The following CELF4 variants were observed in gnomAD, a reference collection of about 807,000 sequenced individuals.
CELF4 encodes the protein CUGBP Elav-like family member 4.
A neutral mutation model predicts 59.9 loss-of-function variants in CELF4; 18 were observed. The observed-to-expected ratio is 0.30, with a 90% CI of 0.21 to 0.45. CELF4 has a LOEUF of 0.45. Among genes scored for constraint, CELF4 ranks in the 20% least tolerant of loss-of-function variants. The pLI is 1.00. For missense variants in CELF4, 456 were observed against 689.0 expected (o/e 0.66, Z 3.79); for synonymous variants, 261 against 267.1 (o/e 0.98, Z 0.22).
chr18:37,294,425 G>GT (rs1252942497), intron 3 of CELF4, among the ~76,000 whole-genome samples: 1 of 152,162 alleles, frequency 6.6e-6, no homozygotes, highest in Non-Finnish European at 1.5e-5. Flanking sequence ...TCTGCCCCGA[G>GT]TAGGTGACAA....
chr18:37,351,578 A>G (rs1282937984), intron 2 of CELF4, among the ~76,000 whole-genome samples: 1 of 149,582 alleles, frequency 6.7e-6, no homozygotes, highest in Non-Finnish European at 1.5e-5. Flanking sequence ...CACAGTTTTC[A>G]GCTTTCTTTT....
chr18:37,458,005 G>A (rs916035820), intron 2 of CELF4, among the ~76,000 whole-genome samples: 1 of 152,158 alleles, frequency 6.6e-6, no homozygotes, highest in African/African-American at 2.4e-5. Flanking sequence ...TTGGCAGAGT[G>A]GGTGGGTGGG....
rs1305869308 is a variant in CELF4, at chr18:37,280,762, C to T, written c.449-5519G>A. ...CTGTGGCAGCTTTGCAAGAAGGGGA[C>T]GCTGAGGAAGCTTGACTTTGCTTCT... is the stretch of plus-strand genomic sequence containing the variant. On this transcript the variant is annotated intron_variant, in intron 3 of 12. Transcript: ENST00000420428. Among the ~76,000 whole-genome samples, 8 of 152,360 alleles carry T rather than the reference C, an allele frequency of 5.3e-5. No individual in the cohort carries two copies. In the South Asian group the frequency reaches 6.2e-4, roughly 12 times the overall value.
intron 3 of CELF4, among the ~76,000 whole-genome samples, chr18:37,305,106 T>A (rs1035943821): frequency 6.6e-6 from 1 of 152,142 alleles, no homozygotes; most frequent in African/African-American, 2.4e-5. Context: ...AGTGCAACAC[T>A]GGGCTACAGT....
intron 1 of CELF4, among the ~76,000 whole-genome samples, chr18:37,535,595 T>C (rs1471317402): frequency 1.3e-5 from 2 of 152,166 alleles, no homozygotes; most frequent in African/African-American, 4.8e-5. Flanking sequence ...TGTGCACATG[T>C]GGGCCGTTAG....
chr18:37,472,473 A>C (rs2099836115), intron 2 of CELF4, among the ~76,000 whole-genome samples: 1 of 152,270 alleles, frequency 6.6e-6, no homozygotes, highest in African/African-American at 2.4e-5. Context: ...TCACTGAAGC[A>C]AGAGTGGCAG....
At chr18:37,266,362 G>T in intron 9 of CELF4, 171 bp downstream of exon 9, 1 of 690,192 alleles carries the variant, frequency 1.4e-6, no homozygotes, top group South Asian at 1.8e-5. Context: ...TCGGTGGCCC[G>T]CTGACAAGAA....
At chr18:37,362,153 C>A (rs940825933) in intron 2 of CELF4, among the ~76,000 whole-genome samples, 2 of 152,124 alleles carry the variant, frequency 1.3e-5, no homozygotes, top group African/African-American at 2.4e-5. Flanking sequence ...CACCCTGACC[C>A]CCAGGGACAA....
At chr18:37,436,867 A>G (rs2099694455) in intron 2 of CELF4, among the ~76,000 whole-genome samples, 1 of 152,174 alleles carries the variant, frequency 6.6e-6, no homozygotes, top group African/African-American at 2.4e-5. Flanking sequence ...ACAATTCCCA[A>G]CCTTCATTTC....
At chr18:37,482,155 GCGGGGA>G in intron 2 of CELF4, among the ~76,000 whole-genome samples, 1 of 152,300 alleles carries the variant, frequency 6.6e-6, no homozygotes, top group East Asian at 1.9e-4. Flanking sequence ...TCAACTCCAA[GCGGGGA>G]GGTGGATGTG....
At chr18:37,477,828 C>T (rs957296734) in intron 2 of CELF4, among the ~76,000 whole-genome samples, 10 of 152,216 alleles carry the variant, frequency 6.6e-5, no homozygotes, top group African/African-American at 2.4e-4. Context: ...GGCAGGCTAT[C>T]TGTAAACGCT....
intron 2 of CELF4, among the ~76,000 whole-genome samples, chr18:37,471,065 T>C (rs1010954924): frequency 3.3e-5 from 5 of 152,038 alleles, no homozygotes; most frequent in African/African-American, 4.8e-5. Context: ...GTGCAACAAG[T>C]GTTCAAGTGG....
At chr18:37,508,871 C>T (rs2099941170) in intron 1 of CELF4, among the ~76,000 whole-genome samples, 1 of 152,238 alleles carries the variant, frequency 6.6e-6, no homozygotes, top group Non-Finnish European at 1.5e-5. Context: ...TGAGATCTAG[C>T]ATCTGTATGC....
chr18:37,332,411 G>A (rs1401152025), intron 2 of CELF4, among the ~76,000 whole-genome samples: 1 of 152,200 alleles, frequency 6.6e-6, no homozygotes, highest in Non-Finnish European at 1.5e-5. Context: ...GCTCTGCTCA[G>A]CAGTGTCCAG....
At chr18:37,461,998 C>T (rs1223984410) in intron 2 of CELF4, among the ~76,000 whole-genome samples, 1 of 152,104 alleles carries the variant, frequency 6.6e-6, no homozygotes, top group Non-Finnish European at 1.5e-5. Flanking sequence ...CTGGGAGGAC[C>T]AAGTTTATCT....
intron 1 of CELF4, among the ~76,000 whole-genome samples, chr18:37,542,952 C>T (rs926298055): frequency 6.6e-6 from 1 of 152,112 alleles, no homozygotes; most frequent in East Asian, 1.9e-4. Context: ...TCACTCCTGC[C>T]TCCCTTGAAC....
At chr18:37,472,073 T>C (rs1179676044) in intron 2 of CELF4, among the ~76,000 whole-genome samples, 1 of 152,032 alleles carries the variant, frequency 6.6e-6, no homozygotes, top group Non-Finnish European at 1.5e-5. Flanking sequence ...TGTTTTGGAG[T>C]GAAGAATGGT....
chr18:37,429,621 C>T (rs994937447), intron 2 of CELF4, among the ~76,000 whole-genome samples: 4 of 152,164 alleles, frequency 2.6e-5, no homozygotes, highest in African/African-American at 9.7e-5. Flanking sequence ...ACTGCTTCTT[C>T]CCTGGGCCTC....
At chr18:37,346,279 C>T (rs1009145727) in intron 2 of CELF4, among the ~76,000 whole-genome samples, 85 of 152,170 alleles carry the variant, frequency 5.6e-4, no homozygotes, top group African/African-American at 2.0e-3. Flanking sequence ...GTGCATATCC[C>T]TTGGGAGGGG....
Sources: allele counts gnomAD v4.1 joint callset (sites outside exome capture counted in the v4.1 genomes callset), GRCh38; gene constraint gnomAD v4.1.1; transcripts MANE v1.5; gene names NCBI Gene and HGNC (gene_info 2026-07-23, HGNC 2026-07-21).